USP54: variants seen among roughly 807,000 people sequenced by gnomAD.
USP54 encodes ubiquitin carboxyl-terminal hydrolase 54.
USP54 carries 87 observed loss-of-function variants against 170.5 expected under a neutral mutation model. That is an observed-to-expected ratio of 0.51 (90% CI 0.43 to 0.61). USP54 has a LOEUF of 0.61. Among genes scored for constraint, USP54 ranks in the 20% least tolerant of loss-of-function variants. USP54 has a pLI of 0.00. For synonymous variants in USP54, 655 were observed against 742.8 expected (o/e 0.88, Z 1.92); for missense variants, 1,786 against 2,047.8 (o/e 0.87, Z 2.47).
At chr10:73,534,880 C>T in intron 11 of USP54, 110 bp from the exon 12 acceptor site, 2 of 1,015,052 alleles carry the variant, frequency 2.0e-6, no homozygotes, top group Non-Finnish European at 2.9e-6. Context: ...ACTTCCTAGA[C>T]ACAAGTGTGA....
intron 1 of USP54, among the ~76,000 whole-genome samples, chr10:73,587,471 T>C (rs926122237): frequency 6.6e-6 from 1 of 150,630 alleles, no homozygotes; most frequent in African/African-American, 2.4e-5. Flanking sequence ...CGAGACTCCA[T>C]CTCAAAAAAA....
intron 20 of USP54, among the ~76,000 whole-genome samples, chr10:73,513,730 T>G (rs1430530736): frequency 6.6e-6 from 1 of 152,044 alleles, no homozygotes; most frequent in Non-Finnish European, 1.5e-5. Context: ...ACATTAAGAG[T>G]GAGATTATCA....
chr10:73,619,630 C>T (rs566959012), intron 1 of USP54, among the ~76,000 whole-genome samples: 2 of 150,360 alleles, frequency 1.3e-5, no homozygotes, highest in Admixed American at 6.6e-5. Context: ...TGTATTATAA[C>T]GCAGTTGTAT....
intron 16 of USP54, among the ~76,000 whole-genome samples, chr10:73,526,354 TCTC>T (rs1383432220): frequency 6.6e-6 from 1 of 151,996 alleles, no homozygotes; most frequent in Non-Finnish European, 1.5e-5. Context: ...TTCAAGCAAT[TCTC>T]CTGCCTCAGC....
Position 73,542,876 on chromosome 10 carries a change from T to G in USP54, c.499A>C (p.Thr167Pro). 1 of 1,614,094 alleles carries G rather than the reference T, an allele frequency of 6.2e-7. No homozygotes were observed. The highest frequency in any genetic ancestry group is 2.2e-5 in the East Asian group (1 of 44,876). The change falls in exon 7 of 24, where the codon ACT becomes CCT. Residue 167 changes from threonine to proline, a missense_variant. By Grantham distance (38) the Thr-to-Pro change is conservative (BLOSUM62 -1). Coordinates refer to ENST00000687698, the MANE Select transcript of USP54 (RefSeq NM_001391956.1). ...AMTLFEQCVC[T>P]SCGATSDPLP... The stretch of plus-strand genomic sequence containing the variant: ...GGATCAGAAGTGGCACCACAGCTAG[T>G]ACATACACACTGGGCAAAAGAGAAA...
At chr10:73,596,010 T>C (rs1186978975), upstream of USP54, among the ~76,000 whole-genome samples, 5 of 142,744 alleles carry the variant, frequency 3.5e-5, no homozygotes, top group African/African-American at 7.9e-5. Flanking sequence ...ACTCAGGAGG[T>C]TGAGGCAGGA....
intron 1 of USP54, chr10:73,606,476 G>A (rs1409069325): frequency 6.6e-6 from 1 of 152,052 alleles, no homozygotes; most frequent in East Asian, 1.9e-4. Context: ...AGCCTGATCA[G>A]TATAAGATGT....
At chr10:73,548,067 A>AAAAGATATGAACAG (rs1192009647) in intron 4 of USP54, among the ~76,000 whole-genome samples, 1 of 152,212 alleles carries the variant, frequency 6.6e-6, no homozygotes, top group African/African-American at 2.4e-5. Context: ...AAAGGCGGGC[A>AAAAGATATGAACAG]AAAGATATGA....
rs1303117242 is a variant in USP54 at position 73,517,094 on chromosome 10, T to C, written c.3332A>G (p.Asp1111Gly). The C allele has an allele frequency of 2.5e-6, 4 of 1,614,110 alleles. No homozygotes were observed. Among genetic ancestry groups the C allele is most frequent in the Admixed American group, 3.3e-5 (2 of 60,016 alleles). The change falls in exon 20 of 24, where the codon GAC becomes GGC. Residue 1111 changes from aspartate to glycine, a missense_variant. Asp to Gly is a moderately conservative substitution (Grantham distance 94). Around this residue, in one of 3 missense-constraint regions of USP54, gnomAD observed 1,418 missense variants for 1,569.0 expected, o/e 0.90. Coordinates refer to ENST00000687698, the MANE Select transcript of USP54 (RefSeq NM_001391956.1). The part of the protein sequence containing the change: ...SLKTSLTLKV[D>G]RGSEETYRPE... ...CCTATAGGTCTCCTCACTGCCTCTG[T>C]CCACTTTTAAAGTCAATGAAGTTTT...
At chr10:73,517,770 G>T (rs767628280) in intron 19 of USP54, 23 bp from the exon 20 acceptor site, 2 of 1,584,706 alleles carry the variant, frequency 1.3e-6, no homozygotes, top group Non-Finnish European at 1.7e-6. Context: ...GAGAGAGCTA[G>T]TCATAAGCTG....
At chr10:73,569,088 G>C (rs887037825) in intron 4 of USP54, among the ~76,000 whole-genome samples, 1 of 152,138 alleles carries the variant, frequency 6.6e-6, no homozygotes. Context: ...TCCCTTCTTG[G>C]TACAGACAAG....
intron 10 of USP54, chr10:73,537,740 C>T (rs574058511): frequency 1.5e-5 from 2 of 136,744 alleles, no homozygotes; most frequent in East Asian, 4.7e-4. Context: ...TCAAATCAAT[C>T]AACACACACA....
At chr10:73,609,620 C>A (rs556084272) in intron 1 of USP54, among the ~76,000 whole-genome samples, 1 of 151,594 alleles carries the variant, frequency 6.6e-6, no homozygotes, top group African/African-American at 2.4e-5. Flanking sequence ...CAGAGGTGGG[C>A]GGCTCATGAA....
intron 3 of USP54, among the ~76,000 whole-genome samples, 193 bp from the exon 4 acceptor site, chr10:73,571,706 C>G (rs577481107): frequency 8.5e-5 from 13 of 152,098 alleles, no homozygotes; most frequent in Admixed American, 7.9e-4. Flanking sequence ...TGGTCATATT[C>G]TGGGAAAGAT....
chr10:73,506,500 C>T (rs1185923621), intron 20 of USP54: 3 of 152,070 alleles, frequency 2.0e-5, no homozygotes, highest in Non-Finnish European at 4.4e-5. Context: ...ATGTCCATGG[C>T]CAATTCATGT....
chr10:73,550,906 A>G (rs1252830145), intron 4 of USP54, among the ~76,000 whole-genome samples: 1 of 152,138 alleles, frequency 6.6e-6, no homozygotes, highest in East Asian at 1.9e-4. Flanking sequence ...GGAGATCGAG[A>G]CCATCCTGGC....
At chr10:73,603,816 C>A (rs912182567) in intron 1 of USP54, among the ~76,000 whole-genome samples, 9 of 151,512 alleles carry the variant, frequency 5.9e-5, no homozygotes, top group Admixed American at 2.6e-4. Context: ...AAATAAAGAA[C>A]TTGAACAGAC....
intron 18 of USP54, 102 bp from the exon 19 acceptor site, chr10:73,520,094 T>C: frequency 6.8e-7 from 1 of 1,477,074 alleles, no homozygotes; most frequent in East Asian, 2.5e-5. Flanking sequence ...GCAGTAAAAC[T>C]CAAAATATGT....
chr10:73,542,371 A>T (rs1472571697), intron 7 of USP54, among the ~76,000 whole-genome samples: 1 of 151,732 alleles, frequency 6.6e-6, no homozygotes, highest in African/African-American at 2.4e-5. Context: ...AAGTGCTAGG[A>T]TTATAGGCAT....
Sources: gnomAD v4.1 joint callset for allele counts (sites outside exome capture counted in the v4.1 genomes callset) on GRCh38, gnomAD v4.1.1 for gene constraint, gnomAD v4.1.1 regional missense constraint, MANE v1.5 for transcripts, NCBI Gene and HGNC (gene_info 2026-07-23, HGNC 2026-07-21) for gene names.